The following THSD4 variants were observed in gnomAD, a reference collection of about 807,000 sequenced individuals.
THSD4 encodes the protein thrombospondin type-1 domain-containing protein 4.
THSD4 carries 69 observed loss-of-function variants against 119.0 expected under a neutral mutation model. That is an observed-to-expected ratio of 0.58 (90% CI 0.48 to 0.71). The LOEUF (loss-of-function observed/expected upper bound fraction) is 0.71, where lower values mean the gene tolerates loss of function less well. THSD4 is among the 30% of genes least tolerant of loss of function. The pLI is 0.00. For missense variants in THSD4, 1,393 were observed against 1,391.1 expected (o/e 1.00, Z -0.02); for synonymous variants, 524 against 540.4 (o/e 0.97, Z 0.42).
chr15:71,321,741 T>C (rs1849308350), intron 6 of THSD4, among the ~76,000 whole-genome samples: 1 of 152,190 alleles, frequency 6.6e-6, no homozygotes, highest in Admixed American at 6.5e-5. Flanking sequence ...CTTAAAATGC[T>C]GTAACATCAG....
At chr15:71,302,850 G>A (rs1030207489) in intron 6 of THSD4, among the ~76,000 whole-genome samples, 2 of 151,928 alleles carry the variant, frequency 1.3e-5, no homozygotes, top group African/African-American at 4.8e-5. Flanking sequence ...TGCACCTGCC[G>A]CCGCCTCATT....
At chr15:71,519,099 A>G (rs2048401268) in intron 7 of THSD4, among the ~76,000 whole-genome samples, 1 of 152,142 alleles carries the variant, frequency 6.6e-6, no homozygotes, top group Non-Finnish European at 1.5e-5. Context: ...ATTTTCTGGG[A>G]TGACTTTTGA....
In THSD4 at chr15:71,228,737, C is replaced by G. The variant is rs138272508; in HGVS notation, c.464+13338C>G. ...ACTGAGTTATGCTCCCTTCCTGCTC[C>G]CAACTCCATTCTCGCCCTTATGCCC... On this transcript the variant is annotated intron_variant, in intron 4 of 17. Transcript: ENST00000261862. Among the ~76,000 whole-genome samples the G allele has an allele frequency of 3.9e-5, 6 of 152,296 alleles. No individual in the cohort carries two copies. The East Asian group carries it at 1.2e-3, about 29-fold the overall frequency.
At chr15:71,701,771 G>T (rs2052293729) in intron 8 of THSD4, among the ~76,000 whole-genome samples, 1 of 152,110 alleles carries the variant, frequency 6.6e-6, no homozygotes, top group Non-Finnish European at 1.5e-5. Context: ...GAAAGATCTG[G>T]AAGGATTCTC....
intron 6 of THSD4, among the ~76,000 whole-genome samples, chr15:71,263,034 G>C (rs1455806646): frequency 6.6e-6 from 1 of 151,920 alleles, no homozygotes; most frequent in Non-Finnish European, 1.5e-5. Context: ...CGTGTCATGG[G>C]GGGTTGTTAT....
intron 7 of THSD4, among the ~76,000 whole-genome samples, chr15:71,523,000 T>A (rs1042567654): frequency 1.3e-5 from 2 of 152,160 alleles, no homozygotes; most frequent in South Asian, 4.1e-4. Context: ...ACAGTGAGGG[T>A]CCTGCTTGGT....
intron 7 of THSD4, among the ~76,000 whole-genome samples, chr15:71,527,235 C>G (rs2140802634): frequency 6.6e-6 from 1 of 152,246 alleles, no homozygotes; most frequent in Middle Eastern, 3.4e-3. Flanking sequence ...AACTTCCAGC[C>G]TCCAGAACTG....
At chr15:71,240,836 CACAT>C (rs761995445) in intron 4 of THSD4, among the ~76,000 whole-genome samples, 40 of 130,944 alleles carry the variant, frequency 3.1e-4, no homozygotes, top group Middle Eastern at 7.5e-3. Context: ...CACACACACA[CACAT>C]ATATACATAT....
chr15:71,461,879 A>G (rs1299459348), intron 7 of THSD4, among the ~76,000 whole-genome samples: 1 of 151,610 alleles, frequency 6.6e-6, no homozygotes, highest in Non-Finnish European at 1.5e-5. Flanking sequence ...CAAAGTTACC[A>G]TTCATTTGTT....
intron 7 of THSD4, among the ~76,000 whole-genome samples, chr15:71,415,885 C>A (rs915470093): frequency 9.8e-5 from 15 of 152,320 alleles, no homozygotes; most frequent in African/African-American, 3.6e-4. Flanking sequence ...CAGCCCCCGC[C>A]TCCCAGGTTC....
At chr15:71,643,816 C>T (rs967658089) in intron 7 of THSD4, among the ~76,000 whole-genome samples, 1 of 152,100 alleles carries the variant, frequency 6.6e-6, no homozygotes, top group Non-Finnish European at 1.5e-5. Context: ...AATTTACAAC[C>T]TTTGAAGAGT....
intron 6 of THSD4, among the ~76,000 whole-genome samples, chr15:71,377,914 A>ACACACACACACACACACACACACAC (rs57687864): frequency 1.4e-5 from 2 of 146,140 alleles, no homozygotes; most frequent in African/African-American, 5.0e-5. Context: ...ACACACACAC[A>ACACACACACACACACACACACACAC]ATTTCCTTCA....
chr15:71,599,988 G>A (rs993655151), intron 7 of THSD4, among the ~76,000 whole-genome samples: 13 of 152,212 alleles, frequency 8.5e-5, no homozygotes, highest in Admixed American at 5.9e-4. Flanking sequence ...ACATCCAGGC[G>A]TGGTTAGTGT....
chr15:71,240,838 C>CACACAT (rs374887677), intron 4 of THSD4, among the ~76,000 whole-genome samples: 2,342 of 136,976 alleles, frequency 0.017, 23 homozygotes, highest in South Asian at 0.024. Flanking sequence ...CACACACACA[C>CACACAT]ATATATACAT....
chr15:71,214,929 A>C, intron 3 of THSD4, 106 bp from the exon 4 acceptor site: 1 of 1,203,214 alleles, frequency 8.3e-7, no homozygotes. Flanking sequence ...TCTTTGAAAC[A>C]GACTGTGCCT....
chr15:71,344,277 T>C (rs1023761155), intron 6 of THSD4, among the ~76,000 whole-genome samples: 39 of 151,846 alleles, frequency 2.6e-4, no homozygotes, highest in African/African-American at 8.9e-4. Context: ...TCTCCTGACC[T>C]CGTGATCCAC....
Position 71,780,382 on chromosome 15 carries a change from C to T in THSD4, c.*3008C>T, listed in dbSNP as rs1317063953. Reference sequence around the variant, plus strand: ...CAAACAAAAATAGTTTGCCGTTTTACTTTCATCCATTGAAAAAGGAAATTG... The same window carrying T: ...CAAACAAAAATAGTTTGCCGTTTTATTTTCATCCATTGAAAAAGGAAATTG... On this transcript the variant is annotated 3_prime_UTR_variant, in exon 18 of 18. Coordinates refer to ENST00000261862, the MANE Select transcript of THSD4 (RefSeq NM_024817.3). The T allele has an allele frequency of 5.6e-6, 1 of 178,806 alleles. No individual in the cohort carries two copies. The highest frequency in any genetic ancestry group is 1.3e-4 in the East Asian group (1 of 7,534). 11.1% of individuals were successfully genotyped at this position (178,806 alleles called of 1,614,324 possible).
chr15:71,172,542 T>A (rs958755609), intron 3 of THSD4, among the ~76,000 whole-genome samples: 14 of 149,910 alleles, frequency 9.3e-5, no homozygotes, highest in African/African-American at 3.4e-4. Context: ...AAAACAAATT[T>A]CAGAAAGAAG....
chr15:71,731,878 C>T (rs1298854269), intron 10 of THSD4: 3 of 152,418 alleles, frequency 2.0e-5, no homozygotes, highest in Non-Finnish European at 4.4e-5. Flanking sequence ...AAGGTGTCAT[C>T]AGGGCCCCTC....
Sources: gnomAD v4.1 joint callset for allele counts (sites outside exome capture counted in the v4.1 genomes callset) on GRCh38, gnomAD v4.1.1 for gene constraint, MANE v1.5 for transcripts, NCBI Gene and HGNC (gene_info 2026-07-23, HGNC 2026-07-21) for gene names.